ARHGEF26: variants seen among roughly 807,000 people sequenced by gnomAD.
The protein encoded by ARHGEF26 is Rho guanine nucleotide exchange factor (GEF) 26.
In ARHGEF26, 59 loss-of-function variants were observed where a neutral mutation model predicts 89.4. That is an observed-to-expected ratio of 0.66 (90% CI 0.54 to 0.82). ARHGEF26 has a LOEUF of 0.82. Among genes scored for constraint, ARHGEF26 ranks in the 40% least tolerant of loss-of-function variants. The pLI is 0.00. For synonymous variants in ARHGEF26, 500 were observed against 428.4 expected (o/e 1.17, Z -2.06); for missense variants, 1,234 against 1,085.6 (o/e 1.14, Z -1.92).
At chr3:154,215,444 TGTAA>T (rs1002973568) in intron 9 of ARHGEF26, among the ~76,000 whole-genome samples, 2 of 152,090 alleles carry the variant, frequency 1.3e-5, no homozygotes, top group African/African-American at 2.4e-5. Context: ...GGTTAGGGAT[TGTAA>T]GTATTATAAC....
intron 9 of ARHGEF26, among the ~76,000 whole-genome samples, chr3:154,195,053 T>C (rs150294556): frequency 3.1e-4 from 47 of 152,296 alleles, no homozygotes; most frequent in Non-Finnish European, 5.0e-4. Context: ...CAGTGATGAG[T>C]GAGGCACGTG....
At chr3:154,237,966 T>C (rs943799817) in intron 11 of ARHGEF26, among the ~76,000 whole-genome samples, 1 of 152,206 alleles carries the variant, frequency 6.6e-6, no homozygotes, top group Non-Finnish European at 1.5e-5. Flanking sequence ...CATCCTCTTT[T>C]TCTCTTGTTT....
chr3:154,244,978 G>A (rs1257237963), intron 12 of ARHGEF26, among the ~76,000 whole-genome samples: 1 of 152,116 alleles, frequency 6.6e-6, no homozygotes, highest in Non-Finnish European at 1.5e-5. Context: ...GCTATTAACT[G>A]TGAGAAACTA....
At chr3:154,205,631 C>CT (rs1714969694) in intron 9 of ARHGEF26, among the ~76,000 whole-genome samples, 1 of 152,044 alleles carries the variant, frequency 6.6e-6, no homozygotes, top group Non-Finnish European at 1.5e-5. Flanking sequence ...ATTATTTCAT[C>CT]TGATTTAGTT....
intron 1 of ARHGEF26, among the ~76,000 whole-genome samples, chr3:154,121,728 A>C (rs973499798): frequency 6.6e-6 from 1 of 152,062 alleles, no homozygotes; most frequent in African/African-American, 2.4e-5. Context: ...AGGGACGCGG[A>C]GGTGATTGGA....
Position 154,122,024 on chromosome 3 carries a change from G to A in ARHGEF26, c.32G>A (p.Ser11Asn). The A allele has an allele frequency of 6.3e-7, 1 of 1,596,738 alleles. No individual in the cohort carries two copies. Among genetic ancestry groups the A allele is most frequent in the Non-Finnish European group, 8.6e-7 (1 of 1,166,300 alleles). Residue 11 changes from serine to asparagine, a missense_variant, in exon 2 of 15, where the codon AGC (serine) becomes AAC (asparagine). Ser to Asn is a conservative substitution (Grantham distance 46). Coordinates refer to ENST00000465093, the MANE Select transcript of ARHGEF26 (RefSeq NM_015595.4). MDGESEVDFS[S>N]NSITPLWRRR... ...GGCGAGAGCGAGGTGGATTTTTCTA[G>A]CAACAGCATAACCCCTTTGTGGCGG...
chr3:154,163,516 T>C (rs1386245081), intron 6 of ARHGEF26, among the ~76,000 whole-genome samples: 2 of 152,216 alleles, frequency 1.3e-5, no homozygotes, highest in Admixed American at 1.3e-4. Flanking sequence ...AACTAAATTT[T>C]AATTTAAATT....
chr3:154,130,289 T>A (rs1218681498), intron 4 of ARHGEF26, among the ~76,000 whole-genome samples: 1 of 151,804 alleles, frequency 6.6e-6, no homozygotes, highest in African/African-American at 2.4e-5. Context: ...TGTAGGCGTG[T>A]GCCACCATAC....
chr3:154,124,185 T>C (rs1718178690), intron 2 of ARHGEF26, among the ~76,000 whole-genome samples: 1 of 152,128 alleles, frequency 6.6e-6, no homozygotes, highest in South Asian at 2.1e-4. Flanking sequence ...TTTGACAGGG[T>C]GTGGGGGATC....
chr3:154,191,514 T>G, intron 8 of ARHGEF26, 96 bp downstream of exon 8: 1 of 1,415,602 alleles, frequency 7.1e-7, no homozygotes, highest in South Asian at 1.6e-5. Flanking sequence ...TTGATGCATA[T>G]TTAAAGGTCT....
chr3:154,244,375 C>T (rs951219182), intron 12 of ARHGEF26, among the ~76,000 whole-genome samples: 4 of 152,110 alleles, frequency 2.6e-5, no homozygotes, highest in African/African-American at 9.7e-5. Flanking sequence ...CAGAAATGCT[C>T]ACCAAAAGGA....
chr3:154,179,717 A>G (rs758890614), intron 6 of ARHGEF26, among the ~76,000 whole-genome samples: 2 of 152,326 alleles, frequency 1.3e-5, no homozygotes, highest in South Asian at 2.1e-4. Flanking sequence ...ATGAAGCTAT[A>G]TATAGTAGGG....
At chr3:154,199,778 C>G (rs1260762544) in intron 9 of ARHGEF26, among the ~76,000 whole-genome samples, 1 of 152,106 alleles carries the variant, frequency 6.6e-6, no homozygotes, top group Non-Finnish European at 1.5e-5. Context: ...AAGATGATAT[C>G]TCATTGTAGT....
At chr3:154,187,901 T>G (rs1713691152) in intron 7 of ARHGEF26, 64 bp downstream of exon 7, 3 of 1,378,502 alleles carry the variant, frequency 2.2e-6, no homozygotes, top group African/African-American at 1.4e-5. Context: ...CTACATTGAC[T>G]GAAATTAATT....
chr3:154,176,492 A>G (rs1257748227), intron 6 of ARHGEF26, among the ~76,000 whole-genome samples: 1 of 152,198 alleles, frequency 6.6e-6, no homozygotes, highest in Admixed American at 6.5e-5. Context: ...TGAGTGACAT[A>G]GTCCTGGTGA....
intron 11 of ARHGEF26, among the ~76,000 whole-genome samples, chr3:154,226,834 CAT>C (rs1337087908): frequency 2.6e-5 from 4 of 152,068 alleles, no homozygotes; most frequent in Admixed American, 2.6e-4. Flanking sequence ...GTTATTTCCA[CAT>C]ATGAGGGAAA....
intron 4 of ARHGEF26, among the ~76,000 whole-genome samples, chr3:154,139,017 C>G (rs553978283): frequency 6.6e-6 from 1 of 152,272 alleles, no homozygotes; most frequent in Admixed American, 6.5e-5. Context: ...GGGCAAGGTG[C>G]GGTCAGTGGA....
At chr3:154,240,990 A>G (rs1467741403) in intron 12 of ARHGEF26, among the ~76,000 whole-genome samples, 7 of 152,214 alleles carry the variant, frequency 4.6e-5, no homozygotes, top group Non-Finnish European at 8.8e-5. Context: ...ACCTACCTTC[A>G]ACCAGAGAGC....
At chr3:154,234,983 C>A (rs866687541) in intron 11 of ARHGEF26, among the ~76,000 whole-genome samples, 1 of 152,002 alleles carries the variant, frequency 6.6e-6, no homozygotes, top group Non-Finnish European at 1.5e-5. Context: ...AGGATGGTCT[C>A]GATCTCCTGA....
Sources: gnomAD v4.1 joint callset for allele counts (sites outside exome capture counted in the v4.1 genomes callset) on GRCh38, gnomAD v4.1.1 for gene constraint, MANE v1.5 for transcripts, NCBI Gene and HGNC (gene_info 2026-07-23, HGNC 2026-07-21) for gene names.